FSTL5: variants seen among roughly 807,000 people sequenced by gnomAD.
The protein encoded by FSTL5 is follistatin-related protein 5.
A neutral mutation model predicts 89.1 loss-of-function variants in FSTL5; 62 were observed. The ratio of observed to expected loss-of-function variants is 0.70; its 90% CI spans 0.57 to 0.86. The LOEUF (loss-of-function observed/expected upper bound fraction) is 0.86, where lower values mean the gene tolerates loss of function less well. Among genes scored for constraint, FSTL5 ranks in the 40% least tolerant of loss-of-function variants. The probability of loss-of-function intolerance (pLI) is 0.00; values close to 1 mark genes in which losing one functional copy is unlikely to be tolerated. For synonymous variants in FSTL5, 383 were observed against 346.2 expected (o/e 1.11, Z -1.18); for missense variants, 1,057 against 1,001.6 (o/e 1.06, Z -0.75).
chr4:161,468,094 C>A (rs997652841), intron 13 of FSTL5, among the ~76,000 whole-genome samples: 2 of 152,064 alleles, frequency 1.3e-5, no homozygotes, highest in Non-Finnish European at 2.9e-5. Flanking sequence ...TTCTTTCTAG[C>A]AAGGTATTTA....
chr4:161,970,952 G>A (rs532589242), intron 3 of FSTL5, among the ~76,000 whole-genome samples: 3 of 152,026 alleles, frequency 2.0e-5, no homozygotes, highest in South Asian at 2.1e-4. Context: ...TTTCATTTGT[G>A]TACTCTCTTT....
At chr4:162,039,070 C>T (rs1197167225) in intron 2 of FSTL5, among the ~76,000 whole-genome samples, 1 of 151,860 alleles carries the variant, frequency 6.6e-6, no homozygotes, top group Non-Finnish European at 1.5e-5. Context: ...AAGACTAATA[C>T]AGACTTCCTT....
intron 6 of FSTL5, among the ~76,000 whole-genome samples, chr4:161,735,504 A>G (rs1014737262): frequency 1.3e-5 from 2 of 152,148 alleles, no homozygotes; most frequent in African/African-American, 4.8e-5. Context: ...TTAAATACAT[A>G]ATTTTAAAAA....
At chr4:161,682,330 T>A (rs1034059421) in intron 6 of FSTL5, among the ~76,000 whole-genome samples, 2 of 152,168 alleles carry the variant, frequency 1.3e-5, no homozygotes, top group Non-Finnish European at 2.9e-5. Context: ...TCTTCAATAA[T>A]AAATTAAACT....
At position 161,542,713 on chromosome 4, in the gene FSTL5, A is replaced by AG; in HGVS notation, c.1016-21dup. ...GAGGAACTAAAGGAAAAAATGAAAG[A>AG]GAAAGTGAATTAGTGATTCATATTT... On this transcript the variant is annotated intron_variant, in intron 8 of 15. Coordinates refer to ENST00000306100, the MANE Select transcript of FSTL5 (RefSeq NM_020116.5). 1 of 1,405,220 alleles carries AG rather than the reference A, an allele frequency of 7.1e-7. No individual in the cohort carries two copies. The highest frequency in any genetic ancestry group is 9.4e-7 in the Non-Finnish European group (1 of 1,068,088). 87.0% of individuals were successfully genotyped at this position (1,405,220 alleles called of 1,614,324 possible).
intron 11 of FSTL5, among the ~76,000 whole-genome samples, chr4:161,507,668 C>A (rs1220102032): frequency 1.3e-5 from 2 of 151,440 alleles, no homozygotes; most frequent in Non-Finnish European, 3.0e-5. Flanking sequence ...AAAGTGGAGC[C>A]CAGAGAAGTA....
chr4:161,613,650 G>A (rs1178475648), intron 7 of FSTL5, among the ~76,000 whole-genome samples: 1 of 151,978 alleles, frequency 6.6e-6, no homozygotes, highest in African/African-American at 2.4e-5. Flanking sequence ...ACACTTGAGC[G>A]AACCCAAACA....
At chr4:161,920,699 AAT>A in intron 3 of FSTL5, 47 bp from the exon 4 acceptor site, 12 of 1,531,126 alleles carry the variant, frequency 7.8e-6, no homozygotes, top group Non-Finnish European at 1.1e-5. Flanking sequence ...CATTTGTCCA[AAT>A]AATATATATA....
chr4:161,590,170 G>A (rs1439148720), intron 7 of FSTL5, among the ~76,000 whole-genome samples: 1 of 152,148 alleles, frequency 6.6e-6, no homozygotes, highest in South Asian at 2.1e-4. Context: ...TAGAGGAGAG[G>A]AAATATTTGA....
intron 6 of FSTL5, among the ~76,000 whole-genome samples, chr4:161,665,604 T>C (rs1357281768): frequency 6.6e-6 from 1 of 152,130 alleles, no homozygotes; most frequent in Non-Finnish European, 1.5e-5. Context: ...GTTAGACACA[T>C]AACTGATTTC....
intron 1 of FSTL5, among the ~76,000 whole-genome samples, chr4:162,128,999 G>A (rs1474303142): frequency 4.0e-5 from 6 of 148,456 alleles, no homozygotes; most frequent in African/African-American, 7.6e-5. Context: ...TGGGCGGCTC[G>A]CTGCAACCTC....
chr4:162,043,548 G>A (rs1379925780), intron 2 of FSTL5, among the ~76,000 whole-genome samples: 1 of 152,124 alleles, frequency 6.6e-6, no homozygotes, highest in African/African-American at 2.4e-5. Flanking sequence ...GGTGGTTGTT[G>A]AAGGTTAGGG....
At chr4:161,645,860 A>T (rs1349209457) in intron 7 of FSTL5, among the ~76,000 whole-genome samples, 1 of 152,012 alleles carries the variant, frequency 6.6e-6, no homozygotes, top group Non-Finnish European at 1.5e-5. Context: ...TCAGTGATAA[A>T]AATTATGCGG....
At chr4:161,545,480 T>C (rs959104760) in intron 8 of FSTL5, among the ~76,000 whole-genome samples, 1 of 152,058 alleles carries the variant, frequency 6.6e-6, no homozygotes, top group African/African-American at 2.4e-5. Context: ...TCAAATATAG[T>C]GATTTATCTC....
At chr4:161,647,952 C>A (rs1736207745) in intron 7 of FSTL5, among the ~76,000 whole-genome samples, 6 of 152,156 alleles carry the variant, frequency 3.9e-5, no homozygotes, top group Admixed American at 3.9e-4. Context: ...AGCACACTAG[C>A]AGCCACCGAC....
intron 4 of FSTL5, among the ~76,000 whole-genome samples, chr4:161,827,893 A>G (rs1358751105): frequency 6.6e-6 from 1 of 152,058 alleles, no homozygotes; most frequent in Non-Finnish European, 1.5e-5. Context: ...TGGTTTTCAG[A>G]TTTCGTACCA....
chr4:162,077,463 T>G (rs1157284272), intron 2 of FSTL5, among the ~76,000 whole-genome samples: 2 of 151,912 alleles, frequency 1.3e-5, no homozygotes, highest in Non-Finnish European at 2.9e-5. Context: ...CCTCACTTAA[T>G]GTAGCTATCT....
intron 6 of FSTL5, among the ~76,000 whole-genome samples, chr4:161,712,392 G>A (rs921896556): frequency 6.6e-6 from 1 of 152,018 alleles, no homozygotes; most frequent in Non-Finnish European, 1.5e-5. Flanking sequence ...AATTCACCTA[G>A]GTCAAATTTG....
chr4:161,719,596 T>C (rs1739118723), intron 6 of FSTL5, among the ~76,000 whole-genome samples: 1 of 152,194 alleles, frequency 6.6e-6, no homozygotes, highest in South Asian at 2.1e-4. Context: ...CAATATTGAT[T>C]CTTCCAATCC....
Sources: gnomAD v4.1 joint callset for allele counts (sites outside exome capture counted in the v4.1 genomes callset) on GRCh38, gnomAD v4.1.1 for gene constraint, MANE v1.5 for transcripts, NCBI Gene and HGNC (gene_info 2026-07-23, HGNC 2026-07-21) for gene names.